The following PROM1 variants were observed in gnomAD, a reference collection of about 807,000 sequenced individuals.
PROM1 encodes prominin-1.
In PROM1, 105 loss-of-function variants were observed where a neutral mutation model predicts 116.9. The ratio of observed to expected loss-of-function variants is 0.90; its 90% CI spans 0.77 to 1.06. PROM1 has a LOEUF of 1.06. PROM1 is among the 50% of genes least tolerant of loss of function. The pLI is 0.00. For synonymous variants in PROM1, 393 were observed against 387.0 expected, an observed-to-expected ratio of 1.02 and a Z score of -0.18; for missense variants, 1,122 against 1,045.2, an observed-to-expected ratio of 1.07 and a Z score of -1.01.
chr4:15,974,477 G>A (rs949217803), intron 26 of PROM1, among the ~76,000 whole-genome samples: 2 of 152,160 alleles, frequency 1.3e-5, no homozygotes, highest in Non-Finnish European at 2.9e-5. Flanking sequence ...ATGAAACTGA[G>A]TTTGCCACTC....
chr4:16,055,704 T>C (rs1738837863), intron 2 of PROM1, among the ~76,000 whole-genome samples: 1 of 152,178 alleles, frequency 6.6e-6, no homozygotes, highest in African/African-American at 2.4e-5. Flanking sequence ...ACCTTGACGG[T>C]AATGAGAAAT....
intron 17 of PROM1, among the ~76,000 whole-genome samples, chr4:15,991,829 G>A (rs867797321): frequency 4.6e-5 from 7 of 151,226 alleles, no homozygotes; most frequent in Non-Finnish European, 5.9e-5. Context: ...CCAGCCACTC[G>A]GGAGGCTGAG....
chr4:16,041,595 G>A (rs1401367278), intron 2 of PROM1, among the ~76,000 whole-genome samples: 1 of 151,706 alleles, frequency 6.6e-6, no homozygotes, highest in Non-Finnish European at 1.5e-5. Flanking sequence ...TGGGCAACTG[G>A]GTAACATAGT....
At chr4:16,005,470 G>T (rs1725188815) in intron 13 of PROM1, among the ~76,000 whole-genome samples, 1 of 150,024 alleles carries the variant, frequency 6.7e-6, no homozygotes, top group Non-Finnish European at 1.5e-5. Flanking sequence ...TATTGTTCCA[G>T]TGACCCAAAG....
intron 1 of PROM1, chr4:16,080,574 T>C (rs1452407314): frequency 1.3e-5 from 2 of 152,070 alleles, no homozygotes; most frequent in Non-Finnish European, 2.9e-5. Flanking sequence ...CTTCATTTCT[T>C]CTTTTCTTCT....
chr4:16,056,727 G>C (rs1739117395), intron 2 of PROM1, among the ~76,000 whole-genome samples: 1 of 152,166 alleles, frequency 6.6e-6, no homozygotes, highest in Non-Finnish European at 1.5e-5. Context: ...GGAATAGGCA[G>C]AGAAGCAAAG....
Position 16,058,264 on chromosome 4 carries a change from A to AT in PROM1, c.220+17422dup, listed in dbSNP as rs1739495333. Among the ~76,000 whole-genome samples the AT allele has an allele frequency of 3.3e-5, 5 of 152,298 alleles. No individual in the cohort carries two copies. In the South Asian group the frequency reaches 1.0e-3, roughly 32 times the overall value. ...GAACACAACCACTGAAGGCTTTAACATTTTTTACTGAACTAACTATAACAA... is the reference window on the plus strand; with the variant it reads ...GAACACAACCACTGAAGGCTTTAACATTTTTTTACTGAACTAACTATAACAA... On this transcript the variant is annotated intron_variant, in intron 2 of 27. Coordinates refer to ENST00000447510, the MANE Select transcript of PROM1 (RefSeq NM_006017.3).
chr4:16,043,792 A>T (rs1735883171), intron 2 of PROM1, among the ~76,000 whole-genome samples: 1 of 152,044 alleles, frequency 6.6e-6, no homozygotes, highest in South Asian at 2.1e-4. Context: ...CTCTCCATCC[A>T]TTGCTCTGTC....
chr4:16,004,805 A>T (rs1724745505), intron 13 of PROM1, among the ~76,000 whole-genome samples: 1 of 124,982 alleles, frequency 8.0e-6, no homozygotes, highest in African/African-American at 2.9e-5. Context: ...CTTGCAGCTA[A>T]TCTTTCTTTC....
At chr4:16,038,835 T>C in intron 3 of PROM1, 111 bp downstream of exon 3, 1 of 1,095,602 alleles carries the variant, frequency 9.1e-7, no homozygotes, top group South Asian at 2.0e-5. Context: ...CAAAAAAGAT[T>C]ACTAAAATTG....
intron 14 of PROM1, among the ~76,000 whole-genome samples, chr4:15,999,271 A>G (rs918279527): frequency 2.0e-5 from 3 of 151,936 alleles, no homozygotes; most frequent in Non-Finnish European, 4.4e-5. Flanking sequence ...GGAGATCGAG[A>G]CCATCCTGGC....
intron 2 of PROM1, among the ~76,000 whole-genome samples, chr4:16,072,432 T>C (rs1435636106): frequency 6.6e-6 from 1 of 152,216 alleles, no homozygotes; most frequent in Non-Finnish European, 1.5e-5. Flanking sequence ...GCACCACTAC[T>C]CTTGAAATCA....
chr4:15,993,691 C>T (rs717176), intron 16 of PROM1, among the ~76,000 whole-genome samples: 64,769 of 152,002 alleles, frequency 0.43, 14,074 homozygotes, highest in Admixed American at 0.5. Flanking sequence ...CGTCTATACT[C>T]AGCAAAATGA....
At chr4:16,080,647 CTGGAG>C in intron 1 of PROM1, 1 of 152,290 alleles carries the variant, frequency 6.6e-6, no homozygotes, top group Non-Finnish European at 1.5e-5. Flanking sequence ...TTTTTGTCAT[CTGGAG>C]TGCTTTTGGC....
rs1333286775 is a variant in PROM1, at chr4:16,024,436, C to CAA, written c.631-80_631-79dup. 3.3e-6 allele frequency: 4 copies of CAA among 1,214,720 alleles called. No homozygotes were observed. The African/African-American group carries it at 6.2e-5, about 19-fold the overall frequency. 75.2% of individuals were successfully genotyped at this position (1,214,720 alleles called of 1,614,324 possible). On this transcript the variant is annotated intron_variant, in intron 6 of 27. Transcript: ENST00000447510. ...AGAGGGCAAAAAGAGATTTAATATA[C>CAA]AAAAGTTTTCCTGAATCAGGACATT...
chr4:16,021,098 CAAA>C (rs34850856), intron 8 of PROM1, among the ~76,000 whole-genome samples: 1 of 130,066 alleles, frequency 7.7e-6, no homozygotes, highest in Non-Finnish European at 1.6e-5. Flanking sequence ...CATTTTTAGC[CAAA>C]AAAAAAAAAA....
At chr4:16,019,628 T>A (rs1297111385) in intron 8 of PROM1, among the ~76,000 whole-genome samples, 1 of 152,168 alleles carries the variant, frequency 6.6e-6, no homozygotes, top group Non-Finnish European at 1.5e-5. Context: ...AATTACAACT[T>A]TTTTTCTACA....
chr4:16,073,546 A>G (rs558183936), intron 2 of PROM1, among the ~76,000 whole-genome samples: 1 of 152,328 alleles, frequency 6.6e-6, no homozygotes, highest in East Asian at 1.9e-4. Flanking sequence ...AAGAAAACCA[A>G]CACCCCAAGA....
chr4:16,007,601 G>T (rs1725843858), intron 12 of PROM1, among the ~76,000 whole-genome samples: 1 of 152,226 alleles, frequency 6.6e-6, no homozygotes, highest in South Asian at 2.1e-4. Flanking sequence ...ATAAGCCATG[G>T]AGGCTGGCCT....
Sources: allele counts gnomAD v4.1 joint callset (sites outside exome capture counted in the v4.1 genomes callset), GRCh38; gene constraint gnomAD v4.1.1; transcripts MANE v1.5; gene names NCBI Gene and HGNC (gene_info 2026-07-23, HGNC 2026-07-21).